Variants in PLGRKT observed in about 807,000 individuals in gnomAD.
The protein encoded by PLGRKT is plasminogen receptor with a C-terminal lysine, also known as plasminogen receptor (KT).
A neutral mutation model predicts 18.5 loss-of-function variants in PLGRKT; 22 were observed. That is an observed-to-expected ratio of 1.19 (90% CI 0.85 to 1.70). The LOEUF (loss-of-function observed/expected upper bound fraction) is 1.70. Among genes scored for constraint, PLGRKT ranks in the 40% most tolerant of loss-of-function variants. PLGRKT has a pLI of 0.00. For synonymous variants in PLGRKT, 72 were observed against 52.8 expected, an observed-to-expected ratio of 1.36 and a Z score of -1.58; for missense variants, 235 against 174.4, an observed-to-expected ratio of 1.35 and a Z score of -1.96.
chr9:5,433,310 T>C (rs941639204), intron 2 of PLGRKT, among the ~76,000 whole-genome samples: 3 of 150,622 alleles, frequency 2.0e-5, no homozygotes, highest in South Asian at 4.2e-4. Flanking sequence ...CCGCCCGTTG[T>C]CTGGGATGTG....
chr9:5,358,530 C>T (rs543932327), intron 5 of PLGRKT, among the ~76,000 whole-genome samples, 170 bp from the exon 6 acceptor site: 3 of 152,306 alleles, frequency 2.0e-5, no homozygotes, highest in East Asian at 1.9e-4. Flanking sequence ...AGAGGAAACA[C>T]AGTGATGAAT....
At position 5,361,843 on chromosome 9, in the gene PLGRKT, T is replaced by C. The variant is rs766508009; in HGVS notation, c.127A>G (p.Met43Val). 3 of 1,612,516 alleles carry C rather than the reference T, an allele frequency of 1.9e-6. No homozygotes were observed. The highest frequency in any genetic ancestry group is 2.5e-6 in the Non-Finnish European group (3 of 1,178,870). The change falls in exon 4 of 6, where the codon ATG becomes GTG. Residue 43 changes from methionine (M) to valine (V), a missense_variant. Coordinates refer to ENST00000223864, the MANE Select transcript of PLGRKT (RefSeq NM_018465.4). ...CGAGACCACGCAATCTGCATGGCCATTTGTCTTTCCCTCATTTCACTCTGC... is the reference window on the plus strand; with the variant it reads ...CGAGACCACGCAATCTGCATGGCCACTTGTCTTTCCCTCATTTCACTCTGC... The part of the protein sequence containing the change: ...IMQSEMRERQ[M>V]AMQIAWSREF...
At chr9:5,390,195 G>A (rs1817921363) in intron 3 of PLGRKT, among the ~76,000 whole-genome samples, 1 of 150,960 alleles carries the variant, frequency 6.6e-6, no homozygotes, top group Admixed American at 6.6e-5. Flanking sequence ...GTTCTTCTGT[G>A]TGAATGTGTA....
intron 3 of PLGRKT, among the ~76,000 whole-genome samples, chr9:5,393,342 C>T (rs1817985293): frequency 6.6e-6 from 1 of 151,722 alleles, no homozygotes; most frequent in Non-Finnish European, 1.5e-5. Context: ...AAGCCTTCTA[C>T]TTCCTACACC....
chr9:5,358,021 G>A lies in PLGRKT; in HGVS notation c.*218C>T. 2.5e-6 allele frequency: 1 copy of A among 394,658 alleles called. No individual in the cohort carries two copies. 24.4% of individuals were successfully genotyped at this position (394,658 alleles called of 1,614,324 possible). ...AATTTTACACTTAGATATTGGTAAT[G>A]CACACAGAGAGAGGAAATCTAAAAG... On this transcript the variant is annotated 3_prime_UTR_variant, in exon 6 of 6. Coordinates refer to ENST00000223864, the MANE Select transcript of PLGRKT (RefSeq NM_018465.4).
intron 3 of PLGRKT, among the ~76,000 whole-genome samples, chr9:5,372,748 A>G (rs1424130854): frequency 6.6e-6 from 1 of 152,162 alleles, no homozygotes; most frequent in Non-Finnish European, 1.5e-5. Context: ...GAACCAGGTC[A>G]GATGTAAAAC....
intron 3 of PLGRKT, among the ~76,000 whole-genome samples, chr9:5,383,447 T>C (rs1190448234): frequency 6.6e-6 from 1 of 152,208 alleles, no homozygotes; most frequent in African/African-American, 2.4e-5. Context: ...AATTTTTCCA[T>C]GGACCAGGTT....
At chr9:5,360,052 T>C (rs1346911145) in intron 5 of PLGRKT, among the ~76,000 whole-genome samples, 1 of 152,222 alleles carries the variant, frequency 6.6e-6, no homozygotes, top group Non-Finnish European at 1.5e-5. Context: ...TAATGGATGA[T>C]GGTTGGTGTT....
At chr9:5,363,847 C>G (rs564144222) in intron 3 of PLGRKT, among the ~76,000 whole-genome samples, 1 of 152,212 alleles carries the variant, frequency 6.6e-6, no homozygotes, top group East Asian at 1.9e-4. Context: ...TTTGACTTGT[C>G]AAAATTAAAT....
intron 3 of PLGRKT, among the ~76,000 whole-genome samples, chr9:5,391,841 G>A (rs1817954859): frequency 6.6e-6 from 1 of 151,940 alleles, no homozygotes; most frequent in Non-Finnish European, 1.5e-5. Context: ...GGGAAGGAAT[G>A]TTGGCTGGGA....
At chr9:5,431,361 TTG>T (rs1319150940) in intron 3 of PLGRKT, among the ~76,000 whole-genome samples, 1 of 151,822 alleles carries the variant, frequency 6.6e-6, no homozygotes, top group African/African-American at 2.4e-5. Flanking sequence ...TGGTGAAACC[TTG>T]TCTCTATTAA....
At chr9:5,427,694 A>G (rs1045918016) in intron 3 of PLGRKT, among the ~76,000 whole-genome samples, 4 of 152,236 alleles carry the variant, frequency 2.6e-5, no homozygotes, top group Non-Finnish European at 5.9e-5. Context: ...GATAAGGAAG[A>G]CTACCGTTGT....
At chr9:5,393,957 G>A (rs1376349828) in intron 3 of PLGRKT, among the ~76,000 whole-genome samples, 1 of 151,810 alleles carries the variant, frequency 6.6e-6, no homozygotes, top group Non-Finnish European at 1.5e-5. Context: ...CATCTGGGAA[G>A]AAAAGCCTCT....
At position 5,358,110 on chromosome 9, in the gene PLGRKT, A is replaced by AACTATC; in HGVS notation, c.*123_*128dup. On this transcript the variant is annotated 3_prime_UTR_variant, in exon 6 of 6. Transcript: ENST00000223864. ...TAAATTTTATTTTAAAATAGCTCAA[A>AACTATC]ACTATCTTGCATTTTAATATTTTAA... 1.6e-6 allele frequency: 1 copy of AACTATC among 633,458 alleles called. No homozygotes were observed. Among genetic ancestry groups the AACTATC allele is most frequent in the South Asian group, 3.0e-5 (1 of 33,454 alleles). 39.2% of individuals were successfully genotyped at this position (633,458 alleles called of 1,614,324 possible). A position where few individuals can be genotyped will look rare whatever the true frequency, so the allele number is the denominator to read the frequency against.
At chr9:5,368,196 A>C (rs1817437428) in intron 3 of PLGRKT, among the ~76,000 whole-genome samples, 2 of 152,346 alleles carry the variant, frequency 1.3e-5, no homozygotes, top group South Asian at 4.1e-4. Flanking sequence ...AACTTAAAAC[A>C]GAATGACCAT....
At chr9:5,407,171 A>G (rs893389181) in intron 3 of PLGRKT, among the ~76,000 whole-genome samples, 1 of 152,210 alleles carries the variant, frequency 6.6e-6, no homozygotes, top group African/African-American at 2.4e-5. Context: ...AATGATTGAC[A>G]ATCAAATGAA....
intron 3 of PLGRKT, among the ~76,000 whole-genome samples, chr9:5,381,194 T>C (rs773801133): frequency 3.9e-5 from 6 of 152,206 alleles, no homozygotes; most frequent in African/African-American, 7.2e-5. Context: ...CAAATGTTAA[T>C]AGCCAAGACA....
At chr9:5,377,187 G>C (rs1215562828) in intron 3 of PLGRKT, among the ~76,000 whole-genome samples, 1 of 151,660 alleles carries the variant, frequency 6.6e-6, no homozygotes, top group Non-Finnish European at 1.5e-5. Context: ...AAAGTGCTTA[G>C]ACACACTGTC....
At chr9:5,362,432 C>A (rs1386124768) in intron 3 of PLGRKT, among the ~76,000 whole-genome samples, 1 of 152,132 alleles carries the variant, frequency 6.6e-6, no homozygotes, top group African/African-American at 2.4e-5. Context: ...TTGTTCAGTG[C>A]CTTTCACTGC....
Sources: allele counts gnomAD v4.1 joint callset (sites outside exome capture counted in the v4.1 genomes callset), GRCh38; gene constraint gnomAD v4.1.1; transcripts MANE v1.5; gene names NCBI Gene and HGNC (gene_info 2026-07-23, HGNC 2026-07-21).